Variants in ERI1 observed in about 807,000 individuals in gnomAD.
ERI1 encodes the protein exoribonuclease 1.
Under a neutral mutation model 39.7 loss-of-function variants are expected in ERI1, and 39 were observed. That is an observed-to-expected ratio of 0.98 (90% CI 0.76 to 1.28). The LOEUF is 1.28. ERI1 is among the 50% of genes most tolerant of loss of function. ERI1 has a pLI of 0.00. For missense variants in ERI1, 581 were observed against 416.9 expected (o/e 1.39, Z -3.43); for synonymous variants, 204 against 149.6 (o/e 1.36, Z -2.65).
rs530560662 is a variant in ERI1 at position 9,059,114 on chromosome 8, C to A, written n.299+38650C>A. Reference sequence around the variant, plus strand: ...GGGCAGGAGTGGGGGTCATAAGGTGCTCAGTAGGGGAGCTTCTGAGCCAGG... The same window carrying A: ...GGGCAGGAGTGGGGGTCATAAGGTGATCAGTAGGGGAGCTTCTGAGCCAGG... On this transcript the variant is annotated intron_variant and non_coding_transcript_variant, in intron 3 of 3. Transcript: ENST00000518663. 2.5e-4 allele frequency among the ~76,000 whole-genome samples: 38 copies of A among 152,162 alleles called. No homozygotes were observed. In the South Asian group the frequency reaches 7.9e-3, roughly 32 times the overall value.
chr8:9,063,629 G>C (rs1563366519), intron 3 of ERI1, among the ~76,000 whole-genome samples: 1 of 152,106 alleles, frequency 6.6e-6, no homozygotes, highest in Non-Finnish European at 1.5e-5. Flanking sequence ...AGGAAGATTT[G>C]GGATGAGTTG....
intron 6 of ERI1, among the ~76,000 whole-genome samples, chr8:9,027,877 T>C (rs2117290049): frequency 6.6e-6 from 1 of 152,358 alleles, no homozygotes. Flanking sequence ...TGTGTTAACA[T>C]TATTTTTTAA....
At chr8:9,016,234 C>A (rs1334721917) in intron 3 of ERI1, 88 bp from the exon 4 acceptor site, 3 of 659,626 alleles carry the variant, frequency 4.5e-6, no homozygotes, top group African/African-American at 1.9e-5. Flanking sequence ...TATGAAATTG[C>A]AACCTGCTGT....
At chr8:9,060,647 T>C (rs1310657126) in intron 3 of ERI1, among the ~76,000 whole-genome samples, 1 of 152,234 alleles carries the variant, frequency 6.6e-6, no homozygotes, top group Non-Finnish European at 1.5e-5. Flanking sequence ...GATATTTTCC[T>C]TGGTCTAAGA....
chr8:9,059,278 G>T (rs566629967), intron 3 of ERI1, among the ~76,000 whole-genome samples: 182 of 152,260 alleles, frequency 1.2e-3, no homozygotes, highest in African/African-American at 4.3e-3. Flanking sequence ...GGTCACAGGG[G>T]ATATGATGGC....
intron 1 of ERI1, among the ~76,000 whole-genome samples, chr8:9,007,288 A>C (rs115590344): frequency 2.0e-5 from 3 of 152,322 alleles, no homozygotes; most frequent in Admixed American, 2.0e-4. Context: ...GAGTACTAGG[A>C]AGCTGTAAAT....
intron 6 of ERI1, among the ~76,000 whole-genome samples, chr8:9,028,877 G>T (rs1424845081): frequency 6.6e-6 from 1 of 151,944 alleles, no homozygotes; most frequent in East Asian, 1.9e-4. Flanking sequence ...ACCTGCCTTG[G>T]CCTCCCAAAG....
At chr8:9,038,077 T>A (rs1047511559), downstream of ERI1, among the ~76,000 whole-genome samples, 6 of 152,184 alleles carry the variant, frequency 3.9e-5, no homozygotes, top group African/African-American at 1.4e-4. Context: ...CCTAAGTTCA[T>A]AGTATAAATA....
At chr8:9,064,022 A>G (rs971877036) in intron 3 of ERI1, among the ~76,000 whole-genome samples, 6 of 151,810 alleles carry the variant, frequency 4.0e-5, no homozygotes, top group Non-Finnish European at 8.8e-5. Flanking sequence ...CCAGAAAAGC[A>G]GGAAAGGGGT....
At chr8:9,045,676 ATTT>A (rs34131409) in intron 3 of ERI1, among the ~76,000 whole-genome samples, 43 of 138,332 alleles carry the variant, frequency 3.1e-4, no homozygotes, top group African/African-American at 1.0e-3. Context: ...AATCTATAGA[ATTT>A]TTTTTTTTTT....
chr8:9,095,628 C>G (rs1443157129), intron 3 of ERI1, among the ~76,000 whole-genome samples: 3 of 152,104 alleles, frequency 2.0e-5, no homozygotes, highest in African/African-American at 7.2e-5. Flanking sequence ...TCAGGTGATC[C>G]TCCCACCTTA....
At chr8:9,062,167 G>A (rs570319489) in intron 3 of ERI1, among the ~76,000 whole-genome samples, 10 of 152,198 alleles carry the variant, frequency 6.6e-5, no homozygotes, top group East Asian at 1.9e-4. Flanking sequence ...TTTTTAAAGC[G>A]TGCTGTGGGA....
intron 3 of ERI1, chr8:9,088,546 G>C (rs1435714202): frequency 1.3e-5 from 2 of 152,220 alleles, no homozygotes; most frequent in Admixed American, 1.3e-4. Flanking sequence ...GCGGACGTTT[G>C]TGTAAACTGC....
At chr8:9,098,952 G>C (rs1448725028) in intron 3 of ERI1, among the ~76,000 whole-genome samples, 1 of 152,020 alleles carries the variant, frequency 6.6e-6, no homozygotes, top group Non-Finnish European at 1.5e-5. Context: ...TCCTGCCTCA[G>C]CTTCCCGAGT....
chr8:9,027,968 A>G (rs1797302995), intron 6 of ERI1, among the ~76,000 whole-genome samples: 3 of 152,132 alleles, frequency 2.0e-5, no homozygotes, highest in Admixed American at 1.3e-4. Flanking sequence ...GCTGATTTAA[A>G]TTTGCTTATA....
At chr8:9,017,880 G>A (rs1817472781) in intron 4 of ERI1, among the ~76,000 whole-genome samples, 1 of 152,198 alleles carries the variant, frequency 6.6e-6, no homozygotes, top group South Asian at 2.1e-4. Context: ...TACGTTTTAG[G>A]AAGATCAGTC....
chr8:9,040,870 C>T (rs974894342), intron 3 of ERI1, among the ~76,000 whole-genome samples: 4 of 152,148 alleles, frequency 2.6e-5, no homozygotes, highest in African/African-American at 9.7e-5. Context: ...GCCTCTCCAT[C>T]AGCCCGCCAG....
At chr8:9,011,801 G>C (rs749579781) in intron 3 of ERI1, 49 bp downstream of exon 3, 1 of 1,383,510 alleles carries the variant, frequency 7.2e-7, no homozygotes, top group Non-Finnish European at 9.9e-7. Context: ...CAACTATTCT[G>C]GTGTTTACTG....
chr8:9,007,830 C>T, intron 1 of ERI1, 140 bp from the exon 2 acceptor site: 1 of 1,261,960 alleles, frequency 7.9e-7, no homozygotes, highest in Non-Finnish European at 1.1e-6. Context: ...CGTTTAGGAG[C>T]TGCAGTGAAC....
Sources: gnomAD v4.1 joint callset for allele counts (sites outside exome capture counted in the v4.1 genomes callset) on GRCh38, gnomAD v4.1.1 for gene constraint, MANE v1.5 for transcripts, NCBI Gene and HGNC (gene_info 2026-07-23, HGNC 2026-07-21) for gene names.